TRPM3: variants seen among roughly 807,000 people sequenced by gnomAD.
TRPM3 encodes the protein long transient receptor potential channel 3.
In TRPM3, 77 loss-of-function variants were observed where a neutral mutation model predicts 181.2. That is an observed-to-expected ratio of 0.42 (90% CI 0.35 to 0.51). TRPM3 has a LOEUF of 0.51. TRPM3 is among the 20% of genes least tolerant of loss of function. The pLI is 0.01. For synonymous variants in TRPM3, 745 were observed against 796.4 expected, an observed-to-expected ratio of 0.94 and a Z score of 1.09; for missense variants, 1,759 against 2,196.7, an observed-to-expected ratio of 0.80 and a Z score of 3.98.
intron 14 of TRPM3, among the ~76,000 whole-genome samples, chr9:70,623,609 C>G (rs1417090397): frequency 6.6e-6 from 1 of 152,188 alleles, no homozygotes; most frequent in Non-Finnish European, 1.5e-5. Context: ...TGGTACCCAC[C>G]TTTACCCGAT....
At chr9:71,339,432 CA>C (rs1326892744) in intron 1 of TRPM3, among the ~76,000 whole-genome samples, 1 of 152,030 alleles carries the variant, frequency 6.6e-6, no homozygotes, top group Non-Finnish European at 1.5e-5. Flanking sequence ...ACATATGCTA[CA>C]AAGCCTCCAA....
chr9:70,586,222 G>C (rs1030844916), intron 22 of TRPM3, among the ~76,000 whole-genome samples: 4 of 152,172 alleles, frequency 2.6e-5, no homozygotes, highest in Admixed American at 1.3e-4. Flanking sequence ...TGAAGACAAA[G>C]CCTCCGTCAC....
chr9:70,855,831 T>C (rs2132261102), intron 3 of TRPM3, among the ~76,000 whole-genome samples: 1 of 152,232 alleles, frequency 6.6e-6, no homozygotes, highest in Middle Eastern at 3.4e-3. Flanking sequence ...TGGGGCCTTG[T>C]GCTTTGCATC....
chr9:71,386,677 T>C (rs567404140), intron 1 of TRPM3, among the ~76,000 whole-genome samples: 1 of 152,336 alleles, frequency 6.6e-6, no homozygotes, highest in South Asian at 2.1e-4. Flanking sequence ...TACTATATGA[T>C]ATTATTCATT....
At position 70,882,232 on chromosome 9, in the gene TRPM3, C is replaced by T. The variant is rs565823259; in HGVS notation, c.178-17721G>A. Reference sequence around the variant, plus strand: ...GACCAGGTCCTCATTTTGTTACATGCCTATGGTGTCATTGCAAGAGAAAGA... The same window carrying T: ...GACCAGGTCCTCATTTTGTTACATGTCTATGGTGTCATTGCAAGAGAAAGA... On this transcript the variant is annotated intron_variant, in intron 1 of 25. Coordinates refer to ENST00000677713, the MANE Select transcript of TRPM3 (RefSeq NM_001366145.2). Among the ~76,000 whole-genome samples the T allele has an allele frequency of 1.2e-4, 18 of 152,150 alleles. 1 individual carries two copies. The highest frequency in any genetic ancestry group is 2.4e-4 in the Non-Finnish European group (16 of 68,016).
In TRPM3 at chr9:71,146,115, T is replaced by C. The variant is rs953169596; in HGVS notation, c.184-281604A>G. 2.0e-5 allele frequency among the ~76,000 whole-genome samples: 3 copies of C among 152,202 alleles called. No homozygotes were observed. The East Asian group carries it at 5.8e-4, about 29-fold the overall frequency. On this transcript the variant is annotated intron_variant, in intron 1 of 24. Coordinates refer to the TRPM3 transcript ENST00000357533. ...ACAAACACATATTATCTTTGTGTAT[T>C]TGGAAGAATGGGAGAAAATTTTCCC...
intron 1 of TRPM3, among the ~76,000 whole-genome samples, chr9:70,940,240 G>A (rs1208927953): frequency 6.6e-6 from 1 of 152,122 alleles, no homozygotes; most frequent in Non-Finnish European, 1.5e-5. Context: ...AATTTATTGA[G>A]AAGGAAACTT....
intron 1 of TRPM3, among the ~76,000 whole-genome samples, chr9:71,336,910 C>G (rs6560196): frequency 6.6e-6 from 1 of 152,090 alleles, no homozygotes; most frequent in Non-Finnish European, 1.5e-5. Context: ...ATGCAGAAAA[C>G]TGGAACTGGA....
chr9:70,781,326 T>TAAAAAAAAAGA (rs2082390412), intron 7 of TRPM3, among the ~76,000 whole-genome samples: 1 of 106,156 alleles, frequency 9.4e-6, no homozygotes, highest in African/African-American at 3.7e-5. Context: ...TTCCATTTCA[T>TAAAAAAAAAGA]AAAAAAAAAA....
intron 9 of TRPM3, among the ~76,000 whole-genome samples, chr9:70,647,062 C>G (rs549452014): frequency 2.0e-5 from 3 of 151,920 alleles, no homozygotes; most frequent in African/African-American, 7.3e-5. Context: ...AATCTACCAA[C>G]AAGAAAATGC....
chr9:70,852,235 C>A (rs988687090), intron 3 of TRPM3, among the ~76,000 whole-genome samples: 1 of 151,570 alleles, frequency 6.6e-6, no homozygotes, highest in African/African-American at 2.4e-5. Context: ...GTGCACCAGG[C>A]ACATGCATGC....
intron 8 of TRPM3, among the ~76,000 whole-genome samples, chr9:70,685,942 TTG>T (rs987905149): frequency 3.8e-4 from 57 of 151,824 alleles, no homozygotes; most frequent in African/African-American, 1.3e-3. Context: ...TTACTAAAAA[TTG>T]TGTTTTTAAT....
At chr9:70,907,900 G>A (rs945474392) in intron 1 of TRPM3, among the ~76,000 whole-genome samples, 2 of 152,240 alleles carry the variant, frequency 1.3e-5, no homozygotes, top group African/African-American at 4.8e-5. Context: ...CTTTTTAATC[G>A]CTGCCTAGTA....
At chr9:71,373,319 A>G (rs2092577847) in intron 1 of TRPM3, among the ~76,000 whole-genome samples, 1 of 151,890 alleles carries the variant, frequency 6.6e-6, no homozygotes, top group African/African-American at 2.4e-5. Context: ...CTTAAAAAAA[A>G]AAAATCAACG....
At chr9:70,652,641 C>A (rs2059735575) in intron 9 of TRPM3, among the ~76,000 whole-genome samples, 1 of 152,110 alleles carries the variant, frequency 6.6e-6, no homozygotes, top group Non-Finnish European at 1.5e-5. Context: ...TATCTTTATT[C>A]CCACTTTGCT....
At chr9:70,975,136 G>T (rs1013731216) in intron 1 of TRPM3, among the ~76,000 whole-genome samples, 1 of 151,952 alleles carries the variant, frequency 6.6e-6, no homozygotes, top group South Asian at 2.1e-4. Context: ...TCAATGTGCC[G>T]GGATTTTAGG....
intron 1 of TRPM3, among the ~76,000 whole-genome samples, chr9:70,963,874 G>A (rs1316200936): frequency 6.6e-6 from 1 of 151,956 alleles, no homozygotes; most frequent in Non-Finnish European, 1.5e-5. Flanking sequence ...ATCTTTTAAA[G>A]CAAGACTTTA....
intron 6 of TRPM3, among the ~76,000 whole-genome samples, chr9:70,804,615 C>T (rs1178724666): frequency 1.3e-5 from 2 of 152,132 alleles, no homozygotes; most frequent in Admixed American, 6.5e-5. Flanking sequence ...TCTTCCTCTT[C>T]TTTGCTATTT....
chr9:70,786,311 C>CAAAAAAAAAAAAAAAAA (rs71367227), intron 6 of TRPM3, among the ~76,000 whole-genome samples: 30 of 54,460 alleles, frequency 5.5e-4, no homozygotes, highest in East Asian at 2.1e-3. Flanking sequence ...CTAAAAATAC[C>CAAAAAAAAAAAAAAAAA]AAAAAAAAAA....
Sources: allele counts gnomAD v4.1 joint callset (sites outside exome capture counted in the v4.1 genomes callset), GRCh38; gene constraint gnomAD v4.1.1; transcripts MANE v1.5; gene names NCBI Gene and HGNC (gene_info 2026-07-23, HGNC 2026-07-21).